Variants in MPDZ observed in about 807,000 individuals in gnomAD.
MPDZ encodes multiple PDZ domain crumbs cell polarity complex component.
Under a neutral mutation model 239.1 loss-of-function variants are expected in MPDZ, and 234 were observed. The ratio of observed to expected loss-of-function variants is 0.98; its 90% CI spans 0.88 to 1.09. MPDZ has a LOEUF of 1.09. MPDZ is among the 50% of genes least tolerant of loss of function. The probability of loss-of-function intolerance (pLI) is 0.00; values close to 1 mark genes in which losing one functional copy is unlikely to be tolerated. For synonymous variants in MPDZ, 1,048 were observed against 881.3 expected (o/e 1.19, Z -3.35); for missense variants, 3,175 against 2,510.0 (o/e 1.26, Z -5.66).
At chr9:13,239,054 G>A (rs914158201) in intron 3 of MPDZ, among the ~76,000 whole-genome samples, 1 of 152,002 alleles carries the variant, frequency 6.6e-6, no homozygotes, top group African/African-American at 2.4e-5. Flanking sequence ...ACTACAAACT[G>A]ATCAGGAAAC....
chr9:13,174,003 C>T (rs1473142536), intron 21 of MPDZ, among the ~76,000 whole-genome samples: 1 of 152,134 alleles, frequency 6.6e-6, no homozygotes, highest in Non-Finnish European at 1.5e-5. Context: ...GTCATCATAC[C>T]ACACTTCATC....
At chr9:13,157,096 C>T (rs544663180) in intron 24 of MPDZ, among the ~76,000 whole-genome samples, 5 of 152,186 alleles carry the variant, frequency 3.3e-5, no homozygotes, top group African/African-American at 9.6e-5. Flanking sequence ...CACTGGTGGG[C>T]AGGGGACGTC....
rs528461786 is a variant in MPDZ, at chr9:13,105,971, A to T, written c.*994T>A. 6.6e-6 allele frequency: 1 copy of T among 152,336 alleles called. No individual in the cohort carries two copies. Among genetic ancestry groups the T allele is most frequent in the Non-Finnish European group, 1.5e-5 (1 of 68,030 alleles). 9.4% of individuals were successfully genotyped at this position (152,336 alleles called of 1,614,324 possible). ...GATGTTAATATAAGTCAATGAAATG[A>T]AGTTATGTTAATCCCCTTAATTTTT... On this transcript the variant is annotated 3_prime_UTR_variant, in exon 47 of 47. Coordinates refer to ENST00000319217, the MANE Select transcript of MPDZ (RefSeq NM_001378778.1).
intron 45 of MPDZ, among the ~76,000 whole-genome samples, chr9:13,109,368 T>A (rs1942030870): frequency 6.6e-6 from 1 of 152,148 alleles, no homozygotes. Context: ...CCAGTTTATT[T>A]AAAGTGAGAG....
intron 14 of MPDZ, 133 bp from the exon 15 acceptor site, chr9:13,192,428 G>C (rs1015896778): frequency 1.3e-5 from 9 of 716,640 alleles, no homozygotes; most frequent in Non-Finnish European, 1.8e-5. Flanking sequence ...ACTATAGTGA[G>C]ACCTGTGGAA....
chr9:13,166,712 C>A (rs1951127073), intron 22 of MPDZ, among the ~76,000 whole-genome samples: 2 of 152,068 alleles, frequency 1.3e-5, no homozygotes, highest in South Asian at 4.2e-4. Context: ...TCTAGATACC[C>A]TTCATAGTCA....
chr9:13,271,301 C>CA (rs1972902186), intron 1 of MPDZ, among the ~76,000 whole-genome samples: 1 of 152,134 alleles, frequency 6.6e-6, no homozygotes, highest in African/African-American at 2.4e-5. Flanking sequence ...AAGTCGGACT[C>CA]ACACAGTTGA....
Position 13,143,483 on chromosome 9 carries a change from G to A in MPDZ, c.3823C>T (p.Gln1275Ter). Residue 1275 changes from glutamine (Q) to a stop codon, truncating the protein, a stop_gained, in exon 27 of 47, where the codon CAA becomes TAA. Coordinates refer to ENST00000319217, the MANE Select transcript of MPDZ (RefSeq NM_001378778.1). LOFTEE classifies it high-confidence loss of function. ...TATCCAACCTTGTCGGCGTTGATTT[G>A]TAGAGAGTCAGCAAATGGGTTAGTG... is the stretch of plus-strand genomic sequence containing the variant. ...SSTNPFADSL[Q>*]INADKAPSQS... The A allele has an allele frequency of 1.2e-6, 2 of 1,612,480 alleles. No homozygotes were observed. Among genetic ancestry groups the A allele is most frequent in the Non-Finnish European group, 1.7e-6 (2 of 1,178,774 alleles).
At chr9:13,176,857 G>A (rs932435636) in intron 19 of MPDZ, among the ~76,000 whole-genome samples, 4 of 152,052 alleles carry the variant, frequency 2.6e-5, no homozygotes, top group Non-Finnish European at 2.9e-5. Context: ...GACATTAATT[G>A]ATTTGGACTC....
intron 1 of MPDZ, among the ~76,000 whole-genome samples, chr9:13,273,995 A>G (rs1463872101): frequency 6.6e-6 from 1 of 152,148 alleles, no homozygotes; most frequent in African/African-American, 2.4e-5. Flanking sequence ...AATTGGTGAA[A>G]TCTATTGATC....
chr9:13,274,716 T>A (rs1973776491), intron 1 of MPDZ: 1 of 152,108 alleles, frequency 6.6e-6, no homozygotes, highest in East Asian at 1.9e-4. Context: ...GAAAAAAGAT[T>A]ATGCCATACA....
At chr9:13,134,048 A>G in intron 31 of MPDZ, 144 bp from the exon 32 acceptor site, 2 of 303,138 alleles carry the variant, frequency 6.6e-6, no homozygotes, top group Non-Finnish European at 1.2e-5. Flanking sequence ...CACTATTGCT[A>G]TTTTAATACA....
At chr9:13,190,490 T>G (rs1256451199) in intron 15 of MPDZ, among the ~76,000 whole-genome samples, 191 bp from the exon 16 acceptor site, 23 of 152,110 alleles carry the variant, frequency 1.5e-4, no homozygotes, top group Admixed American at 1.5e-3. Context: ...AAGGAAGAAA[T>G]ACCTAAGTTT....
intron 24 of MPDZ, among the ~76,000 whole-genome samples, chr9:13,151,836 A>C (rs907828844): frequency 6.6e-6 from 1 of 152,078 alleles, no homozygotes; most frequent in African/African-American, 2.4e-5. Flanking sequence ...AAAATGTCAT[A>C]TATGTTAATT....
intron 32 of MPDZ, among the ~76,000 whole-genome samples, chr9:13,128,768 T>A (rs1945484119): frequency 6.6e-6 from 1 of 152,166 alleles, no homozygotes; most frequent in Non-Finnish European, 1.5e-5. Context: ...TCAGAAGGCT[T>A]GAACAGCCAT....
intron 3 of MPDZ, among the ~76,000 whole-genome samples, chr9:13,240,124 G>C (rs536918769): frequency 8.3e-4 from 126 of 152,122 alleles, no homozygotes; most frequent in African/African-American, 2.9e-3. Flanking sequence ...CAACATGTTA[G>C]AATTTTTGCA....
intron 27 of MPDZ, among the ~76,000 whole-genome samples, chr9:13,142,287 A>G (rs977217332): frequency 1.3e-5 from 2 of 152,092 alleles, no homozygotes; most frequent in East Asian, 3.9e-4. Context: ...GATCTCAGGC[A>G]CAACATTTTC....
At chr9:13,131,215 T>G (rs913276634) in intron 32 of MPDZ, among the ~76,000 whole-genome samples, 4 of 152,074 alleles carry the variant, frequency 2.6e-5, no homozygotes, top group Admixed American at 2.0e-4. Flanking sequence ...GGGTTAGGAG[T>G]GCCAGGCTTA....
chr9:13,274,939 T>A (rs1262756292), intron 1 of MPDZ, among the ~76,000 whole-genome samples: 12 of 151,992 alleles, frequency 7.9e-5, no homozygotes, highest in Non-Finnish European at 1.6e-4. Flanking sequence ...AAAAAAAAAA[T>A]TAATGCTCTG....
Sources: allele counts gnomAD v4.1 joint callset (sites outside exome capture counted in the v4.1 genomes callset), GRCh38; gene constraint gnomAD v4.1.1; transcripts MANE v1.5; gene names NCBI Gene and HGNC (gene_info 2026-07-23, HGNC 2026-07-21).